Variants in CNKSR2 observed in about 807,000 individuals in gnomAD.
The protein encoded by CNKSR2 is connector enhancer of kinase suppressor of Ras 2, also known as CNK homolog protein 2.
Under a neutral mutation model 84.4 loss-of-function variants are expected in CNKSR2, and 14 were observed. The ratio of observed to expected loss-of-function variants is 0.17; its 90% CI spans 0.11 to 0.26. The LOEUF is 0.26. CNKSR2 is among the 10% of genes least tolerant of loss of function. The pLI is 1.00. For missense variants in CNKSR2, 485 were observed against 771.2 expected, an observed-to-expected ratio of 0.63 and a Z score of 4.40; for synonymous variants, 275 against 277.9, an observed-to-expected ratio of 0.99 and a Z score of 0.10.
At chrX:21,595,176 T>C in intron 16 of CNKSR2, 129 bp downstream of exon 16, 4 of 662,791 alleles carry the variant, frequency 6.0e-6, no homozygotes, top group African/African-American at 2.2e-5. Context: ...GGGCAGAAAA[T>C]TGAACTTTTT....
intron 1 of CNKSR2, among the ~76,000 whole-genome samples, chrX:21,413,239 A>G (rs1024425818): frequency 9.0e-6 from 1 of 111,434 alleles, no homozygotes; most frequent in Admixed American, 9.5e-5. Context: ...ACCATGTATC[A>G]GCACTTTCTT....
intron 20 of CNKSR2, among the ~76,000 whole-genome samples, chrX:21,631,483 TTATC>T (rs1474051904): frequency 2.7e-5 from 3 of 112,228 alleles, no homozygotes; most frequent in African/African-American, 6.5e-5. Flanking sequence ...GCCTATTTAT[TTATC>T]TATCATTTGG....
intron 9 of CNKSR2, among the ~76,000 whole-genome samples, chrX:21,518,430 A>G (rs2091750088): frequency 9.0e-6 from 1 of 111,614 alleles, no homozygotes; most frequent in African/African-American, 3.2e-5. Flanking sequence ...TTGTTGATCC[A>G]TGCACTCGGT....
At chrX:21,522,773 A>G (rs1419811732) in intron 9 of CNKSR2, among the ~76,000 whole-genome samples, 1 of 110,977 alleles carries the variant, frequency 9.0e-6, no homozygotes, top group African/African-American at 3.3e-5. Flanking sequence ...TTTATTTTAC[A>G]ATCACAATCT....
chrX:21,405,304 T>C (rs965704354), intron 1 of CNKSR2, among the ~76,000 whole-genome samples: 2 of 112,103 alleles, frequency 1.8e-5, no homozygotes, highest in Non-Finnish European at 3.8e-5. Flanking sequence ...ACTTTCTTAC[T>C]TATTTGGATC....
At chrX:21,554,373 A>T (rs2092119564) in intron 11 of CNKSR2, among the ~76,000 whole-genome samples, 1 of 111,301 alleles carries the variant, frequency 9.0e-6, no homozygotes, top group South Asian at 3.7e-4. Context: ...CAAGTGTGGG[A>T]TTGTTACATA....
At chrX:21,527,511 T>C (rs1047933139) in intron 10 of CNKSR2, among the ~76,000 whole-genome samples, 4 of 111,080 alleles carry the variant, frequency 3.6e-5, no homozygotes, top group African/African-American at 1.3e-4. Context: ...CATTAATTCA[T>C]TAATGTTTCT....
At chrX:21,610,347 A>G (rs772853630) in intron 20 of CNKSR2, among the ~76,000 whole-genome samples, 42 of 112,227 alleles carry the variant, frequency 3.7e-4, no homozygotes, top group South Asian at 1.1e-3. Context: ...TAAGTTCTTT[A>G]TTCAACATGC....
intron 1 of CNKSR2, among the ~76,000 whole-genome samples, chrX:21,385,876 C>T (rs769233902): frequency 8.9e-4 from 98 of 109,986 alleles, no homozygotes; most frequent in South Asian, 1.6e-3. Flanking sequence ...TGTGTATGCA[C>T]GATGAGTTGT....
At chrX:21,395,275 C>A (rs955741945) in intron 1 of CNKSR2, among the ~76,000 whole-genome samples, 23 of 111,497 alleles carry the variant, frequency 2.1e-4, no homozygotes, top group African/African-American at 7.5e-4. Context: ...TAAAAATACA[C>A]AAATTTATTA....
At chrX:21,508,068 G>T (rs755185449) in intron 8 of CNKSR2, among the ~76,000 whole-genome samples, 1 of 112,607 alleles carries the variant, frequency 8.9e-6, no homozygotes, top group Non-Finnish European at 1.9e-5. Flanking sequence ...GCTCATGCCT[G>T]TAATTCCAGC....
intron 20 of CNKSR2, among the ~76,000 whole-genome samples, chrX:21,625,349 A>G (rs932811853): frequency 8.9e-6 from 1 of 111,868 alleles, no homozygotes; most frequent in African/African-American, 3.2e-5. Context: ...AGCCATTCAA[A>G]ATCTGTTTAA....
intron 4 of CNKSR2, among the ~76,000 whole-genome samples, chrX:21,459,628 A>C (rs1210424366): frequency 9.0e-6 from 1 of 110,819 alleles, no homozygotes; most frequent in East Asian, 2.8e-4. Flanking sequence ...TGCATTTATA[A>C]TCTTTACATC....
chrX:21,448,612 G>C (rs1333043366), intron 4 of CNKSR2, among the ~76,000 whole-genome samples: 2 of 111,562 alleles, frequency 1.8e-5, no homozygotes, highest in Non-Finnish European at 3.8e-5. Context: ...AGTAATCATA[G>C]TTTTTGCCAT....
intron 4 of CNKSR2, among the ~76,000 whole-genome samples, chrX:21,463,975 T>C (rs2091094062): frequency 8.9e-6 from 1 of 111,825 alleles, no homozygotes; most frequent in Admixed American, 9.5e-5. Context: ...CAGTAAGTTG[T>C]GTGCCGCCCC....
At chrX:21,458,607 G>C (rs1451092745) in intron 4 of CNKSR2, among the ~76,000 whole-genome samples, 1 of 112,031 alleles carries the variant, frequency 8.9e-6, no homozygotes, top group Non-Finnish European at 1.9e-5. Context: ...CTGAAGTTTT[G>C]CTTTCTTTTT....
intron 4 of CNKSR2, among the ~76,000 whole-genome samples, chrX:21,464,915 C>G (rs993440071): frequency 8.9e-6 from 1 of 112,178 alleles, no homozygotes; most frequent in African/African-American, 3.2e-5. Context: ...ACATTGGTAG[C>G]TCTCCATAAT....
At chrX:21,378,239 T>C (rs1418138042) in intron 1 of CNKSR2, among the ~76,000 whole-genome samples, 3 of 111,958 alleles carry the variant, frequency 2.7e-5, no homozygotes, top group African/African-American at 6.5e-5. Context: ...ATTAATCTTA[T>C]AAAAATATTT....
chrX:21,522,899 AT>A (rs2091798967), intron 9 of CNKSR2, among the ~76,000 whole-genome samples: 1 of 111,248 alleles, frequency 9.0e-6, no homozygotes, highest in South Asian at 3.7e-4. Flanking sequence ...GTATTTATAC[AT>A]TCAAACTGAC....
Sources: gnomAD v4.1 joint callset for allele counts (sites outside exome capture counted in the v4.1 genomes callset) on GRCh38, gnomAD v4.1.1 for gene constraint, MANE v1.5 for transcripts, NCBI Gene and HGNC (gene_info 2026-07-23, HGNC 2026-07-21) for gene names.